The following MACROD2 variants were observed in gnomAD, a reference collection of about 807,000 sequenced individuals.
MACROD2 encodes ADP-ribose glycohydrolase MACROD2.
In MACROD2, 36 loss-of-function variants were observed where a neutral mutation model predicts 70.4. That is an observed-to-expected ratio of 0.51 (90% CI 0.39 to 0.68). The LOEUF (loss-of-function observed/expected upper bound fraction) is 0.68. Among genes scored for constraint, MACROD2 ranks in the 30% least tolerant of loss-of-function variants. MACROD2 has a pLI of 0.00. For missense variants in MACROD2, 496 were observed against 538.4 expected (o/e 0.92, Z 0.78); for synonymous variants, 172 against 178.8 (o/e 0.96, Z 0.30).
At chr20:15,760,556 C>T (rs1245339552) in intron 8 of MACROD2, among the ~76,000 whole-genome samples, 1 of 152,154 alleles carries the variant, frequency 6.6e-6, no homozygotes, top group Non-Finnish European at 1.5e-5. Context: ...CCCACGCATT[C>T]CTTCCTTGCT....
intron 7 of MACROD2, among the ~76,000 whole-genome samples, chr20:15,433,263 T>C (rs911407910): frequency 6.6e-6 from 1 of 151,922 alleles, no homozygotes; most frequent in Non-Finnish European, 1.5e-5. Context: ...GAAGTTAGAC[T>C]GTTGCTGTTC....
At chr20:16,013,022 A>G (rs1206596181) in intron 15 of MACROD2, among the ~76,000 whole-genome samples, 1 of 152,162 alleles carries the variant, frequency 6.6e-6, no homozygotes, top group Non-Finnish European at 1.5e-5. Context: ...TCTACTAAAA[A>G]TACAAAACTT....
intron 5 of MACROD2, among the ~76,000 whole-genome samples, chr20:15,153,875 TTAAGTG>T (rs1375783562): frequency 6.6e-6 from 1 of 152,178 alleles, no homozygotes; most frequent in African/African-American, 2.4e-5. Flanking sequence ...AGCTGTATAC[TTAAGTG>T]TATTTTTCCA....
intron 8 of MACROD2, among the ~76,000 whole-genome samples, chr20:15,634,686 T>C (rs2049338229): frequency 6.6e-6 from 1 of 152,232 alleles, no homozygotes; most frequent in African/African-American, 2.4e-5. Flanking sequence ...GTGGTAGAGA[T>C]GGCAGCCAGG....
intron 3 of MACROD2, chr20:14,352,574 T>A (rs2083133667): frequency 6.6e-6 from 1 of 152,224 alleles, no homozygotes; most frequent in Non-Finnish European, 1.5e-5. Context: ...AGAAAGGATA[T>A]ATGCACCCTT....
At chr20:15,607,245 G>A (rs1047417552) in intron 8 of MACROD2, among the ~76,000 whole-genome samples, 81 of 152,132 alleles carry the variant, frequency 5.3e-4, no homozygotes, top group Admixed American at 4.6e-4. Flanking sequence ...TTGAAACTAG[G>A]GCCCAGATAT....
chr20:15,668,080 T>C (rs1468045895), intron 8 of MACROD2, among the ~76,000 whole-genome samples: 1 of 146,140 alleles, frequency 6.8e-6, no homozygotes, highest in Admixed American at 6.9e-5. Context: ...GCCAACTTGG[T>C]GAAATCCTCT....
intron 8 of MACROD2, among the ~76,000 whole-genome samples, chr20:15,753,203 G>A (rs775648824): frequency 8.5e-5 from 13 of 152,158 alleles, no homozygotes; most frequent in Admixed American, 2.0e-4. Context: ...TGATGCTGAC[G>A]TCTGGGATAC....
intron 3 of MACROD2, among the ~76,000 whole-genome samples, chr20:14,261,314 G>T (rs868478605): frequency 1.4e-4 from 21 of 152,152 alleles, no homozygotes; most frequent in Non-Finnish European, 2.2e-4. Flanking sequence ...ATTAATTTGG[G>T]TTAGTAACAA....
chr20:15,609,668 C>T (rs1389173661), intron 8 of MACROD2, among the ~76,000 whole-genome samples: 9 of 152,160 alleles, frequency 5.9e-5, no homozygotes, highest in Non-Finnish European at 1.0e-4. Context: ...TGCAAAGGAA[C>T]GACGGGAGGT....
At chr20:14,712,833 C>A (rs2071353837) in intron 5 of MACROD2, among the ~76,000 whole-genome samples, 2 of 152,076 alleles carry the variant, frequency 1.3e-5, no homozygotes, top group South Asian at 4.1e-4. Flanking sequence ...GAAATGTTTG[C>A]TTGTTGGACA....
chr20:14,993,463 G>T (rs770920455), intron 5 of MACROD2, among the ~76,000 whole-genome samples: 1 of 151,990 alleles, frequency 6.6e-6, no homozygotes, highest in Admixed American at 6.6e-5. Flanking sequence ...CCCATTTTCT[G>T]TGTGTCTTTA....
chr20:14,174,380 A>C (rs1225334493), intron 3 of MACROD2, among the ~76,000 whole-genome samples: 1 of 152,036 alleles, frequency 6.6e-6, no homozygotes, highest in South Asian at 2.1e-4. Context: ...TTCTCAGGCT[A>C]ATGGAGTTAT....
intron 8 of MACROD2, among the ~76,000 whole-genome samples, chr20:15,787,159 A>G (rs1239983499): frequency 2.0e-5 from 3 of 152,014 alleles, no homozygotes; most frequent in Non-Finnish European, 4.4e-5. Flanking sequence ...TTTAATAGAG[A>G]CGGGATTTCA....
At chr20:15,446,782 A>C (rs994160866) in intron 7 of MACROD2, among the ~76,000 whole-genome samples, 7 of 152,100 alleles carry the variant, frequency 4.6e-5, no homozygotes, top group Non-Finnish European at 1.0e-4. Context: ...ATTTTTTTTC[A>C]ACTTTGCAAA....
At chr20:15,470,693 G>A (rs1431477260) in intron 7 of MACROD2, among the ~76,000 whole-genome samples, 3 of 152,102 alleles carry the variant, frequency 2.0e-5, no homozygotes, top group Non-Finnish European at 2.9e-5. Context: ...TCAGTGGCAG[G>A]ACACTGGCCA....
chr20:16,042,767 G>A (rs1309571166), intron 16 of MACROD2, among the ~76,000 whole-genome samples: 1 of 151,988 alleles, frequency 6.6e-6, no homozygotes, highest in African/African-American at 2.4e-5. Context: ...CTGCATCTGG[G>A]GCCAGTTTAT....
At chr20:15,746,632 A>G (rs1428596665) in intron 8 of MACROD2, among the ~76,000 whole-genome samples, 1 of 151,252 alleles carries the variant, frequency 6.6e-6, no homozygotes, top group African/African-American at 2.4e-5. Flanking sequence ...TAGGGATGAT[A>G]TTTGCTCTGT....
At chr20:15,174,243 T>C (rs1032030702) in intron 5 of MACROD2, among the ~76,000 whole-genome samples, 3 of 152,240 alleles carry the variant, frequency 2.0e-5, no homozygotes, top group Admixed American at 2.0e-4. Context: ...TCATATCTGT[T>C]CTGCTTTCTT....
Sources: gnomAD v4.1 joint callset for allele counts (sites outside exome capture counted in the v4.1 genomes callset) on GRCh38, gnomAD v4.1.1 for gene constraint, MANE v1.5 for transcripts, NCBI Gene and HGNC (gene_info 2026-07-23, HGNC 2026-07-21) for gene names.